The following SLC38A6 variants were observed in gnomAD, a reference collection of about 807,000 sequenced individuals.
SLC38A6 encodes solute carrier family 38 member 6, also known as N system amino acid transporter NAT-1.
Under a neutral mutation model 65.0 loss-of-function variants are expected in SLC38A6, and 73 were observed. The ratio of observed to expected loss-of-function variants is 1.12; its 90% CI spans 0.93 to 1.37. The LOEUF is 1.37. Among genes scored for constraint, SLC38A6 ranks in the 40% most tolerant of loss-of-function variants. The pLI is 0.00. For missense variants in SLC38A6, 561 were observed against 531.1 expected (o/e 1.06, Z -0.55); for synonymous variants, 183 against 178.8 (o/e 1.02, Z -0.19).
At chr14:61,082,610 G>A (rs2043700807) in intron 16 of SLC38A6, among the ~76,000 whole-genome samples, 1 of 152,186 alleles carries the variant, frequency 6.6e-6, no homozygotes, top group East Asian at 1.9e-4. Flanking sequence ...CTTGACTGAA[G>A]CAGAGACTCA....
At chr14:61,043,013 C>T (rs934878558) in intron 8 of SLC38A6, 134 bp from the exon 9 acceptor site, 31 of 575,110 alleles carry the variant, frequency 5.4e-5, no homozygotes, top group Middle Eastern at 4.8e-4. Flanking sequence ...CCATTCTAAC[C>T]GGGAAAAGTC....
chr14:61,048,026 CATAA>C (rs1674459709), intron 12 of SLC38A6: 5 of 356,718 alleles, frequency 1.4e-5, no homozygotes, highest in South Asian at 6.6e-5. Context: ...TACATACATA[CATAA>C]ATAGAATAAA....
intron 3 of SLC38A6, among the ~76,000 whole-genome samples, chr14:61,007,409 G>C (rs767760554): frequency 3.3e-5 from 5 of 152,142 alleles, no homozygotes; most frequent in Non-Finnish European, 4.4e-5. Flanking sequence ...GTAGGAGGAT[G>C]GCTTGAGTCC....
At chr14:61,053,938 A>C (rs2042617358), downstream of SLC38A6, among the ~76,000 whole-genome samples, 1 of 152,026 alleles carries the variant, frequency 6.6e-6, no homozygotes, top group African/African-American at 2.4e-5. Context: ...TTTGTCATGA[A>C]ATCTTTGCCC....
At chr14:60,993,950 A>T (rs1202725731) in intron 3 of SLC38A6, among the ~76,000 whole-genome samples, 1 of 152,238 alleles carries the variant, frequency 6.6e-6, no homozygotes, top group Non-Finnish European at 1.5e-5. Flanking sequence ...ACTGGCGAGG[A>T]TGTGGGACAA....
At chr14:61,068,695 A>G (rs146770059) in intron 15 of SLC38A6, among the ~76,000 whole-genome samples, 2 of 152,200 alleles carry the variant, frequency 1.3e-5, no homozygotes, top group Admixed American at 1.3e-4. Flanking sequence ...TTACCCTGTT[A>G]TACAGGTCAC....
intron 7 of SLC38A6, among the ~76,000 whole-genome samples, 158 bp downstream of exon 7, chr14:61,037,299 T>A (rs1462305963): frequency 6.6e-6 from 1 of 152,200 alleles, no homozygotes. Flanking sequence ...TTATTTTAGG[T>A]TGTTCAGCCT....
chr14:61,025,790 C>T (rs191827758), intron 5 of SLC38A6, among the ~76,000 whole-genome samples: 40 of 152,110 alleles, frequency 2.6e-4, no homozygotes, highest in African/African-American at 9.2e-4. Context: ...TATTTGAGTG[C>T]ATATAGAACT....
chr14:61,000,541 G>A (rs2038635769), intron 3 of SLC38A6, among the ~76,000 whole-genome samples: 1 of 152,190 alleles, frequency 6.6e-6, no homozygotes, highest in African/African-American at 2.4e-5. Flanking sequence ...CGAGTCAGGA[G>A]AATCGCTTGA....
At chr14:60,989,571 AC>A (rs1421991098) in intron 3 of SLC38A6, among the ~76,000 whole-genome samples, 1 of 152,068 alleles carries the variant, frequency 6.6e-6, no homozygotes, top group Non-Finnish European at 1.5e-5. Flanking sequence ...AAAAAAAAAT[AC>A]AAAAATTTGT....
At chr14:61,012,148 TAGATTTTCTAGTTTATTTGC>T (rs2039626099) in intron 3 of SLC38A6, among the ~76,000 whole-genome samples, 1 of 152,264 alleles carries the variant, frequency 6.6e-6, no homozygotes, top group Non-Finnish European at 1.5e-5. Flanking sequence ...CCATTTCTTC[TAGATTTTCTAGTTTATTTGC>T]ATAGAGGTGT....
chr14:61,007,117 G>T (rs2039190654), intron 3 of SLC38A6, among the ~76,000 whole-genome samples: 1 of 152,064 alleles, frequency 6.6e-6, no homozygotes, highest in South Asian at 2.1e-4. Flanking sequence ...GGTGGGAATT[G>T]AACAATGAGA....
intron 6 of SLC38A6, among the ~76,000 whole-genome samples, chr14:61,035,512 AG>A (rs1192846654): frequency 4.3e-4 from 66 of 152,136 alleles, no homozygotes; most frequent in African/African-American, 1.6e-3. Context: ...TCACATACAT[AG>A]AATTTTCTCT....
chr14:60,981,789 A>G, intron 1 of SLC38A6: 1 of 1,164,222 alleles, frequency 8.6e-7, no homozygotes, highest in East Asian at 5.7e-5. Flanking sequence ...GGGGGGAGGG[A>G]AAATAATAAA....
At chr14:61,050,392 G>T in intron 12 of SLC38A6, 120 bp from the exon 13 acceptor site, 1 of 564,248 alleles carries the variant, frequency 1.8e-6, no homozygotes, top group East Asian at 3.4e-5. Context: ...TAGGGGAAAG[G>T]CCAGGATTTG....
chr14:61,037,089 A>G lies in SLC38A6; in HGVS notation c.513A>G (p.Leu171=), dbSNP rs374859589. The G allele has an allele frequency of 6.2e-7, 1 of 1,611,464 alleles. No individual in the cohort carries two copies. The highest frequency in any genetic ancestry group is 1.3e-5 in the African/African-American group (1 of 74,738). ...GGTATCTTGATGGACAAACACTACT[A>G]ATAATCATATGTGTTGGCATTGTGT... ...RYWYLDGQTL[L]IIICVGIVFP... The change falls in exon 7 of 16, where the codon CTA becomes CTG. Residue 171 remains leucine, a synonymous_variant. Coordinates refer to ENST00000267488, the MANE Select transcript of SLC38A6 (RefSeq NM_153811.3).
intron 3 of SLC38A6, among the ~76,000 whole-genome samples, chr14:60,991,678 A>G (rs1452160371): frequency 6.6e-6 from 1 of 152,152 alleles, no homozygotes; most frequent in Non-Finnish European, 1.5e-5. Flanking sequence ...CATCACCTTC[A>G]AGGCTTTGAC....
intron 3 of SLC38A6, among the ~76,000 whole-genome samples, chr14:61,004,004 G>T (rs982115780): frequency 6.6e-6 from 1 of 152,072 alleles, no homozygotes; most frequent in Non-Finnish European, 1.5e-5. Context: ...AATAGACCCA[G>T]GGAGCAAGTT....
At chr14:61,071,074 A>G (rs1274171712) in intron 15 of SLC38A6, among the ~76,000 whole-genome samples, 1 of 152,088 alleles carries the variant, frequency 6.6e-6, no homozygotes, top group African/African-American at 2.4e-5. Context: ...TTGATTTAGC[A>G]TTATGTTTTG....
Sources: allele counts gnomAD v4.1 joint callset (sites outside exome capture counted in the v4.1 genomes callset), GRCh38; gene constraint gnomAD v4.1.1; transcripts MANE v1.5; gene names NCBI Gene and HGNC (gene_info 2026-07-23, HGNC 2026-07-21).